Variants in CLCN5 observed in about 807,000 individuals in gnomAD.
The protein encoded by CLCN5 is Cl-/H+ antiporter 5, also known as H(+)/Cl(-) exchange transporter 5.
In CLCN5, 17 loss-of-function variants were observed where a neutral mutation model predicts 54.0. That is an observed-to-expected ratio of 0.31 (90% CI 0.22 to 0.47). The LOEUF is 0.47. Among genes scored for constraint, CLCN5 ranks in the 20% least tolerant of loss-of-function variants. The pLI is 1.00. For missense variants in CLCN5, 448 were observed against 646.7 expected, an observed-to-expected ratio of 0.69 and a Z score of 3.33; for synonymous variants, 222 against 233.0, an observed-to-expected ratio of 0.95 and a Z score of 0.43.
intron 3 of CLCN5, among the ~76,000 whole-genome samples, chrX:49,991,756 T>G (rs1453305074): frequency 8.9e-6 from 1 of 111,989 alleles, no homozygotes; most frequent in East Asian, 2.8e-4. Flanking sequence ...GCAAATCCAG[T>G]TACAGCTCCA....
At chrX:49,976,198 C>G (rs1569537750) in intron 3 of CLCN5, among the ~76,000 whole-genome samples, 2 of 112,466 alleles carry the variant, frequency 1.8e-5, no homozygotes, top group Non-Finnish European at 3.8e-5. Flanking sequence ...GGTCCTACCC[C>G]CAAATCCCTG....
chrX:50,013,537 T>C (rs1310616792), intron 3 of CLCN5, among the ~76,000 whole-genome samples: 1 of 111,677 alleles, frequency 9.0e-6, no homozygotes, highest in African/African-American at 3.3e-5. Context: ...CTTCTCATTC[T>C]CTTATGAATA....
chrX:49,999,205 CTCTG>C (rs1482908639), intron 3 of CLCN5, among the ~76,000 whole-genome samples: 11 of 110,919 alleles, frequency 9.9e-5, no homozygotes, highest in African/African-American at 6.6e-5. Flanking sequence ...TGTGTACATC[CTCTG>C]TCTGTGAGGG....
intron 4 of CLCN5, among the ~76,000 whole-genome samples, chrX:50,049,106 T>G (rs1932491494): frequency 9.0e-6 from 1 of 111,532 alleles, no homozygotes; most frequent in Non-Finnish European, 1.9e-5. Context: ...AATCTGTTAC[T>G]TAACTGTTTA....
intron 4 of CLCN5, among the ~76,000 whole-genome samples, chrX:50,051,778 T>C (rs1932596348): frequency 8.9e-6 from 1 of 111,876 alleles, no homozygotes; most frequent in African/African-American, 3.2e-5. Context: ...GGGTGACTAT[T>C]GTAAATAGTA....
At chrX:50,087,132 T>C (rs1371293311) in intron 11 of CLCN5, among the ~76,000 whole-genome samples, 1 of 111,767 alleles carries the variant, frequency 8.9e-6, no homozygotes. Flanking sequence ...GTTTGCTCCT[T>C]TTCTGTGGAA....
At chrX:50,006,179 A>T (rs1221236786) in intron 3 of CLCN5, among the ~76,000 whole-genome samples, 1 of 111,923 alleles carries the variant, frequency 8.9e-6, no homozygotes, top group African/African-American at 3.2e-5. Context: ...AGGTAGTAAA[A>T]AGTGGTTATA....
At chrX:50,014,441 C>T (rs782163259) in intron 3 of CLCN5, among the ~76,000 whole-genome samples, 2 of 112,319 alleles carry the variant, frequency 1.8e-5, no homozygotes, top group South Asian at 3.7e-4. Flanking sequence ...TATTCCTGCA[C>T]GTGCTGAGTT....
At chrX:49,945,604 GT>G (rs1162822439) in intron 3 of CLCN5, among the ~76,000 whole-genome samples, 2,047 of 71,048 alleles carry the variant, frequency 0.029, 64 homozygotes, top group African/African-American at 0.1. Context: ...CGCCCAGCTA[GT>G]TTTTTTTTTT....
At chrX:49,941,579 G>A (rs1395986031) in intron 3 of CLCN5, among the ~76,000 whole-genome samples, 1 of 110,249 alleles carries the variant, frequency 9.1e-6, no homozygotes, top group African/African-American at 3.3e-5. Context: ...TCCAAGCTGA[G>A]GCCAGTTCTA....
intron 3 of CLCN5, among the ~76,000 whole-genome samples, chrX:50,034,917 C>G (rs1931916993): frequency 9.0e-6 from 1 of 111,316 alleles, no homozygotes; most frequent in Non-Finnish European, 1.9e-5. Context: ...CAGACTACTC[C>G]TGCCACACTT....
At chrX:50,051,615 A>C (rs1282531893) in intron 4 of CLCN5, among the ~76,000 whole-genome samples, 1 of 112,127 alleles carries the variant, frequency 8.9e-6, no homozygotes, top group Admixed American at 9.5e-5. Flanking sequence ...AAGAATTGAA[A>C]TCTCAATAAT....
chrX:50,073,978 G>A (rs182413688), intron 6 of CLCN5, among the ~76,000 whole-genome samples: 1 of 111,532 alleles, frequency 9.0e-6, no homozygotes, highest in Admixed American at 9.5e-5. Flanking sequence ...AACATGGTCT[G>A]GCTCTTTGGA....
intron 3 of CLCN5, among the ~76,000 whole-genome samples, chrX:50,034,381 C>T (rs952472990): frequency 8.1e-5 from 9 of 111,556 alleles, no homozygotes; most frequent in South Asian, 3.7e-4. Flanking sequence ...CTTGTATGTT[C>T]GTTAATTGTA....
intron 4 of CLCN5, chrX:50,069,395 C>A: frequency 2.5e-6 from 1 of 396,347 alleles, no homozygotes; most frequent in Non-Finnish European, 3.2e-6. Context: ...TACATTCCAG[C>A]CAACTTAACT....
At chrX:49,986,669 A>G (rs1181258976) in intron 3 of CLCN5, among the ~76,000 whole-genome samples, 1 of 111,905 alleles carries the variant, frequency 8.9e-6, no homozygotes, top group Admixed American at 9.5e-5. Context: ...ATTTTCCATC[A>G]TTTCTCATTT....
chrX:50,062,279 C>T (rs1195077784), intron 4 of CLCN5, among the ~76,000 whole-genome samples: 1 of 57,411 alleles, frequency 1.7e-5, no homozygotes, highest in African/African-American at 9.0e-5. Flanking sequence ...CGTGCAGAGA[C>T]ACACATAGGC....
chrX:50,073,682 G>A (rs782417754), intron 6 of CLCN5, among the ~76,000 whole-genome samples: 1 of 111,647 alleles, frequency 9.0e-6, no homozygotes, highest in Non-Finnish European at 1.9e-5. Context: ...CTATAGCTGG[G>A]TTTTAAAAAA....
At chrX:49,984,704 G>A (rs993487724) in intron 3 of CLCN5, among the ~76,000 whole-genome samples, 2 of 109,779 alleles carry the variant, frequency 1.8e-5, no homozygotes, top group African/African-American at 6.6e-5. Context: ...AGTCTCAAAC[G>A]TTGGGGCTCA....
Sources: allele counts gnomAD v4.1 joint callset (sites outside exome capture counted in the v4.1 genomes callset), GRCh38; gene constraint gnomAD v4.1.1; transcripts MANE v1.5; gene names NCBI Gene and HGNC (gene_info 2026-07-23, HGNC 2026-07-21).